The following WWOX variants were observed in gnomAD, a reference collection of about 807,000 sequenced individuals.
WWOX encodes the protein WW domain containing oxidoreductase, also known as WW domain-containing oxidoreductase.
Under a neutral mutation model 46.2 loss-of-function variants are expected in WWOX, and 69 were observed. The observed-to-expected ratio is 1.49, with a 90% CI of 1.23 to 1.82. The LOEUF is 1.82. Among genes scored for constraint, WWOX ranks in the 40% most tolerant of loss-of-function variants. The pLI, the probability that WWOX is intolerant of heterozygous loss-of-function variation, is 0.00. For missense variants in WWOX, 919 were observed against 542.6 expected, an observed-to-expected ratio of 1.69 and a Z score of -6.89; for synonymous variants, 359 against 202.6, an observed-to-expected ratio of 1.77 and a Z score of -6.56.
intron 8 of WWOX, among the ~76,000 whole-genome samples, chr16:79,018,473 C>G (rs1293766991): frequency 1.3e-5 from 2 of 152,150 alleles, no homozygotes; most frequent in African/African-American, 4.8e-5. Context: ...GAAATTGCCA[C>G]TTGGTCTGTG....
chr16:78,453,547 A>G (rs902336518), intron 8 of WWOX, among the ~76,000 whole-genome samples: 1 of 152,188 alleles, frequency 6.6e-6, no homozygotes, highest in Non-Finnish European at 1.5e-5. Context: ...GGTTTGTTCA[A>G]GTTATATTGT....
chr16:78,851,458 A>G (rs1007893292), intron 8 of WWOX, among the ~76,000 whole-genome samples: 1 of 152,240 alleles, frequency 6.6e-6, no homozygotes, highest in Non-Finnish European at 1.5e-5. Flanking sequence ...ATTAAAGCAA[A>G]GGTCATTGCC....
chr16:78,177,896 C>T (rs1366548304), intron 5 of WWOX, among the ~76,000 whole-genome samples: 1 of 152,186 alleles, frequency 6.6e-6, no homozygotes, highest in African/African-American at 2.4e-5. Flanking sequence ...TCCTGACATT[C>T]AAGGAAGAAC....
chr16:78,198,472 T>C (rs922504115), intron 5 of WWOX, among the ~76,000 whole-genome samples: 1 of 152,214 alleles, frequency 6.6e-6, no homozygotes, highest in Non-Finnish European at 1.5e-5. Flanking sequence ...ACTTGTTTGT[T>C]CCTTCAATAA....
intron 8 of WWOX, among the ~76,000 whole-genome samples, chr16:78,589,969 T>C (rs575919437): frequency 6.6e-6 from 1 of 152,296 alleles, no homozygotes; most frequent in South Asian, 2.1e-4. Flanking sequence ...GGTTATCTTC[T>C]AGTTTACCTG....
At chr16:78,422,838 TACATATACACACACACACACAC>T (rs1567563691) in intron 6 of WWOX, among the ~76,000 whole-genome samples, 74 of 96,450 alleles carry the variant, frequency 7.7e-4, no homozygotes, top group African/African-American at 3.7e-3. Context: ...TATATATATA[TACATATACACACACACACACAC>T]ACACACACAC....
At chr16:78,524,669 T>G (rs553660792) in intron 8 of WWOX, among the ~76,000 whole-genome samples, 18 of 152,058 alleles carry the variant, frequency 1.2e-4, no homozygotes, top group African/African-American at 4.3e-4. Flanking sequence ...TCCACCCGCC[T>G]CAGCCTCCCA....
At chr16:79,081,905 C>A (rs1193130526) in intron 8 of WWOX, among the ~76,000 whole-genome samples, 2 of 152,136 alleles carry the variant, frequency 1.3e-5, no homozygotes, top group African/African-American at 4.8e-5. Flanking sequence ...TGGGCGAGTT[C>A]ACTCACAGTG....
intron 8 of WWOX, among the ~76,000 whole-genome samples, chr16:78,591,614 G>A (rs1178100396): frequency 2.0e-5 from 3 of 152,178 alleles, no homozygotes; most frequent in African/African-American, 2.4e-5. Flanking sequence ...AACCTTAGAC[G>A]AGTTGCTTGA....
chr16:78,277,621 T>C (rs2079603490), intron 5 of WWOX, among the ~76,000 whole-genome samples: 2 of 152,152 alleles, frequency 1.3e-5, no homozygotes, highest in Non-Finnish European at 2.9e-5. Flanking sequence ...GAAGCATATG[T>C]TGCATTTAGT....
chr16:78,137,087 T>C (rs887021206), intron 4 of WWOX, among the ~76,000 whole-genome samples: 5 of 152,186 alleles, frequency 3.3e-5, no homozygotes, highest in African/African-American at 1.2e-4. Context: ...CAGGAATAAG[T>C]GAGTGGCAGA....
At chr16:78,927,878 T>C (rs546990649) in intron 8 of WWOX, among the ~76,000 whole-genome samples, 1 of 152,314 alleles carries the variant, frequency 6.6e-6, no homozygotes, top group South Asian at 2.1e-4. Flanking sequence ...GTTCAATGAA[T>C]TATTCTTTTA....
intron 8 of WWOX, chr16:78,895,234 C>G (rs2044675993): frequency 6.6e-6 from 1 of 152,210 alleles, no homozygotes; most frequent in Non-Finnish European, 1.5e-5. Context: ...AGAAATAGAA[C>G]CTGCCTGTTT....
chr16:78,184,409 C>T (rs917494943), intron 5 of WWOX, among the ~76,000 whole-genome samples: 8 of 151,994 alleles, frequency 5.3e-5, no homozygotes, highest in Non-Finnish European at 8.8e-5. Flanking sequence ...TTTGCCAGGA[C>T]CCCTGTGTAG....
chr16:78,606,673 C>G (rs1264168335), intron 8 of WWOX, among the ~76,000 whole-genome samples: 1 of 150,330 alleles, frequency 6.7e-6, no homozygotes, highest in Non-Finnish European at 1.5e-5. Context: ...AAATGTGAAG[C>G]CAGCCCGATT....
chr16:79,189,107 G>C (rs2051077046), intron 8 of WWOX, among the ~76,000 whole-genome samples: 2 of 152,144 alleles, frequency 1.3e-5, no homozygotes, highest in Non-Finnish European at 2.9e-5. Flanking sequence ...TTGTCTGCTA[G>C]AAACCTAGGG....
chr16:78,192,937 C>T (rs1342272123), intron 5 of WWOX, among the ~76,000 whole-genome samples: 3 of 152,206 alleles, frequency 2.0e-5, no homozygotes, highest in African/African-American at 7.2e-5. Flanking sequence ...CAATCCCAGA[C>T]TCTCAAGGCT....
chr16:78,984,071 G>A (rs773973902), intron 8 of WWOX, among the ~76,000 whole-genome samples: 5 of 151,884 alleles, frequency 3.3e-5, no homozygotes, highest in Admixed American at 6.6e-5. Context: ...GTAGAGACAG[G>A]GTTTCACTGT....
chr16:78,305,604 C>T (rs1390799697), intron 5 of WWOX, among the ~76,000 whole-genome samples: 1 of 151,930 alleles, frequency 6.6e-6, no homozygotes, highest in Non-Finnish European at 1.5e-5. Flanking sequence ...AAGACCGTGT[C>T]ATCCATGGAG....
Sources: gnomAD v4.1 joint callset for allele counts (sites outside exome capture counted in the v4.1 genomes callset) on GRCh38, gnomAD v4.1.1 for gene constraint, MANE v1.5 for transcripts, NCBI Gene and HGNC (gene_info 2026-07-23, HGNC 2026-07-21) for gene names.